Variants in TJP2 observed in about 807,000 individuals in gnomAD.
The protein encoded by TJP2 is Friedreich ataxia region gene X104 (tight junction protein ZO-2).
In TJP2, 91 loss-of-function variants were observed where a neutral mutation model predicts 133.1. The observed-to-expected ratio is 0.68, with a 90% CI of 0.58 to 0.81. TJP2 has a LOEUF of 0.81. TJP2 is among the 40% of genes least tolerant of loss of function. TJP2 has a pLI of 0.00. For missense variants in TJP2, 1,541 were observed against 1,565.6 expected (o/e 0.98, Z 0.26); for synonymous variants, 592 against 583.4 (o/e 1.01, Z -0.21).
At chr9:69,185,950 A>C (rs920322479) in intron 1 of TJP2, among the ~76,000 whole-genome samples, 2 of 131,192 alleles carry the variant, frequency 1.5e-5, no homozygotes, top group African/African-American at 5.8e-5. Context: ...TGTATTTTTT[A>C]GTAGAGATGG....
chr9:69,240,488 A>G (rs1444277593), intron 17 of TJP2, among the ~76,000 whole-genome samples: 1 of 152,232 alleles, frequency 6.6e-6, no homozygotes, highest in Non-Finnish European at 1.5e-5. Context: ...TCTACTCACC[A>G]TCAATACATG....
At chr9:69,178,986 T>TA (rs1825293247) in intron 1 of TJP2, among the ~76,000 whole-genome samples, 2 of 151,780 alleles carry the variant, frequency 1.3e-5, no homozygotes, top group Non-Finnish European at 2.9e-5. Context: ...ATTTTTTTTT[T>TA]AATATGAAGC....
chr9:69,203,145 G>A (rs1827120976), intron 1 of TJP2, among the ~76,000 whole-genome samples: 2 of 152,006 alleles, frequency 1.3e-5, no homozygotes, highest in South Asian at 4.1e-4. Flanking sequence ...CCCTCCCCGA[G>A]TTGCCTGGGT....
chr9:69,229,054 A>G, intron 9 of TJP2, 130 bp from the exon 10 acceptor site: 2 of 847,864 alleles, frequency 2.4e-6, no homozygotes, highest in South Asian at 2.7e-5. Context: ...GGCACTTTAG[A>G]GACTTCTTTT....
intron 1 of TJP2, among the ~76,000 whole-genome samples, chr9:69,137,245 CTCTCTT>C (rs1376687099): frequency 3.3e-5 from 1 of 30,608 alleles, no homozygotes; most frequent in Non-Finnish European, 7.3e-5. Flanking sequence ...TTCTTTCTCT[CTCTCTT>C]TCTTTCTTTC....
chr9:69,212,506 G>A (rs370064894), intron 1 of TJP2, 42 bp from the exon 2 acceptor site: 3 of 1,451,714 alleles, frequency 2.1e-6, no homozygotes, highest in African/African-American at 1.4e-5. Context: ...GCATTGAAAA[G>A]GTTGTGGTTT....
chr9:69,249,563 G>A, intron 20 of TJP2, 78 bp downstream of exon 20: 1 of 1,550,082 alleles, frequency 6.5e-7, no homozygotes, highest in Non-Finnish European at 8.7e-7. Context: ...CCAGGGAGGA[G>A]CATGCACACT....
intron 2 of TJP2, among the ~76,000 whole-genome samples, chr9:69,152,544 T>C (rs1272174022): frequency 6.6e-6 from 1 of 152,258 alleles, no homozygotes; most frequent in East Asian, 1.9e-4. Context: ...GAGCAGATAG[T>C]CGTTCAGATC....
rs188002965 is a variant in TJP2 at position 69,128,881 on chromosome 9, T to C, written c.-131+7156T>C. On this transcript the variant is annotated intron_variant, in intron 1 of 5. Coordinates refer to the TJP2 transcript ENST00000423935. ...GATTCTTTTCCAAGGGAAAAGGACA[T>C]AGGGAAAGAGGAAATTCTGTTTTGA... Among the ~76,000 whole-genome samples, 442 of 152,304 alleles carry C rather than the reference T, an allele frequency of 2.9e-3. 2 individuals carry two copies. The highest frequency in any genetic ancestry group is 9.2e-3 in the African/African-American group (382 of 41,572).
chr9:69,134,815 C>G (rs909620906), intron 1 of TJP2, among the ~76,000 whole-genome samples: 5 of 152,102 alleles, frequency 3.3e-5, no homozygotes, highest in African/African-American at 1.2e-4. Flanking sequence ...AGGTTTGATA[C>G]CAGGTGCCAG....
At chr9:69,151,533 T>TA in intron 1 of TJP2, 1 of 1,031,268 alleles carries the variant, frequency 9.7e-7, no homozygotes, top group Non-Finnish European at 1.2e-6. Flanking sequence ...GTGAAGGTAC[T>TA]AAAAGCCATC....
At chr9:69,213,366 C>T (rs1165510298) in intron 2 of TJP2, among the ~76,000 whole-genome samples, 5 of 152,200 alleles carry the variant, frequency 3.3e-5, no homozygotes, top group South Asian at 2.1e-4. Flanking sequence ...CAGACGGTTC[C>T]GCATTTTTAT....
chr9:69,185,401 T>C lies in TJP2; in HGVS notation c.60+10969T>C, dbSNP rs542060478. Among the ~76,000 whole-genome samples, 65 of 152,292 alleles carry C rather than the reference T, an allele frequency of 4.3e-4. 1 individual carries two copies. Among genetic ancestry groups the C allele is most frequent in the Admixed American group, 3.6e-3 (55 of 15,302 alleles). ...TAACGGATGTTCATTCTTTTCACTTTATAGTCACATGGATGCCACTGTAAG... is the reference window on the plus strand; with the variant it reads ...TAACGGATGTTCATTCTTTTCACTTCATAGTCACATGGATGCCACTGTAAG... On this transcript the variant is annotated intron_variant, in intron 1 of 22. Transcript: ENST00000377245.
At chr9:69,210,328 G>A (rs1244321771) in intron 1 of TJP2, among the ~76,000 whole-genome samples, 1 of 126,828 alleles carries the variant, frequency 7.9e-6, no homozygotes, top group Non-Finnish European at 1.5e-5. Flanking sequence ...AGCAGTCAGT[G>A]CTTCAGTTAT....
upstream of TJP2, chr9:69,174,192 C>T (rs1038898192): frequency 5.8e-6 from 8 of 1,384,326 alleles, no homozygotes; most frequent in African/African-American, 4.6e-5. Flanking sequence ...GGGTCGGGGG[C>T]GGGCTGACGC....
In TJP2 at chr9:69,125,673, G is replaced by A. The variant is rs139867700; in HGVS notation, c.-131+3948G>A. On this transcript the variant is annotated intron_variant, in intron 1 of 5. Coordinates refer to the TJP2 transcript ENST00000423935. ...TAAACACATGCACACACACACACTCGAATGTGAGTGCAAACCAAGATATAA... is the reference window on the plus strand; with the variant it reads ...TAAACACATGCACACACACACACTCAAATGTGAGTGCAAACCAAGATATAA... Among the ~76,000 whole-genome samples the A allele has an allele frequency of 6.1e-4, 47 of 76,722 alleles. 15 individuals carry two copies. Among genetic ancestry groups the A allele is most frequent in the African/African-American group, 1.8e-3 (45 of 25,160 alleles). The allele number at this position is 76,722 out of a possible 152,430, so 50.3% of individuals were successfully genotyped here.
chr9:69,171,789 AT>A (rs34717893), upstream of TJP2, among the ~76,000 whole-genome samples: 9,232 of 85,770 alleles, frequency 0.11, 129 homozygotes, highest in Non-Finnish European at 0.12. Flanking sequence ...GAGTAGAAGA[AT>A]TTTTTTTTTT....
chr9:69,243,890 GTA>G (rs1830735849), intron 17 of TJP2, among the ~76,000 whole-genome samples: 1 of 149,750 alleles, frequency 6.7e-6, no homozygotes, highest in Non-Finnish European at 1.5e-5. Context: ...CCCATTGAAA[GTA>G]TATAGTTCAG....
intron 1 of TJP2, among the ~76,000 whole-genome samples, chr9:69,134,001 G>A (rs184218933): frequency 6.1e-5 from 8 of 130,312 alleles, no homozygotes; most frequent in African/African-American, 2.3e-4. Flanking sequence ...AAGTCCCTCG[G>A]ACAGGATTGC....
Sources: allele counts gnomAD v4.1 joint callset (sites outside exome capture counted in the v4.1 genomes callset), GRCh38; gene constraint gnomAD v4.1.1; transcripts MANE v1.5; gene names NCBI Gene and HGNC (gene_info 2026-07-23, HGNC 2026-07-21).